The following ARHGEF11 variants were observed in gnomAD, a reference collection of about 807,000 sequenced individuals.
ARHGEF11 encodes the protein Rho guanine exchange factor (GEF) 11.
ARHGEF11 carries 55 observed loss-of-function variants against 193.7 expected under a neutral mutation model. The ratio of observed to expected loss-of-function variants is 0.28; its 90% CI spans 0.23 to 0.36. ARHGEF11 has a LOEUF of 0.36. ARHGEF11 is among the 10% of genes least tolerant of loss of function. The pLI is 1.00. For missense variants in ARHGEF11, 1,723 were observed against 2,005.6 expected (o/e 0.86, Z 2.69); for synonymous variants, 693 against 768.0 (o/e 0.90, Z 1.62).
At position 156,999,354 on chromosome 1, in the gene ARHGEF11, C is replaced by T. The variant is rs781725964; in HGVS notation, c.33-13181G>A. On this transcript the variant is annotated intron_variant, in intron 1 of 40. Coordinates refer to ENST00000368194, the MANE Select transcript of ARHGEF11 (RefSeq NM_198236.3). Reference sequence around the variant, plus strand: ...AGTGTGTCTGATACCAAAGTCCCAGCTTCCTCTCCCTGTGCCTTGGCCCTA... The same window carrying T: ...AGTGTGTCTGATACCAAAGTCCCAGTTTCCTCTCCCTGTGCCTTGGCCCTA... 3.9e-5 allele frequency among the ~76,000 whole-genome samples: 6 copies of T among 152,112 alleles called. No individual in the cohort carries two copies. The South Asian group carries it at 1.2e-3, about 32-fold the overall frequency.
chr1:157,025,252 G>C (rs1203892641), intron 1 of ARHGEF11, among the ~76,000 whole-genome samples: 1 of 152,186 alleles, frequency 6.6e-6, no homozygotes, highest in Non-Finnish European at 1.5e-5. Context: ...GCTGCTTCCA[G>C]GTTCTTAGGT....
In ARHGEF11 at chr1:157,013,261, ACT is replaced by A. The variant is rs1184498411; in HGVS notation, c.33-27090_33-27089del. Among the ~76,000 whole-genome samples, 445 of 110,388 alleles carry A rather than the reference ACT, an allele frequency of 4.0e-3. 11 individuals carry two copies. The highest frequency in any genetic ancestry group is 0.013 in the African/African-American group (384 of 29,438). 72.4% of individuals were successfully genotyped at this position (110,388 alleles called of 152,430 possible). On this transcript the variant is annotated intron_variant, in intron 1 of 40. Transcript: ENST00000368194. ...CAACTGCTCATAACTCCCCACTATC[ACT>A]CACACACACACACACACACACACAC...
intron 22 of ARHGEF11, among the ~76,000 whole-genome samples, chr1:156,950,664 A>C (rs1296013641): frequency 2.0e-5 from 3 of 151,702 alleles, no homozygotes; most frequent in Non-Finnish European, 4.4e-5. Flanking sequence ...AAAAATCCCC[A>C]AAACAAACAA....
rs149515620 is a variant in ARHGEF11, at chr1:157,000,108, G to A, written c.33-13935C>T. Among the ~76,000 whole-genome samples the A allele has an allele frequency of 7.7e-3, 1,166 of 152,192 alleles. 35 individuals carry two copies. The highest frequency in any genetic ancestry group is 0.054 in the Admixed American group (826 of 15,282). ...TCTCCTGAGCAGCTGGAATTAGAGC[G>A]TGTGTCAACATGCCAGGCTAATTTT... is the stretch of plus-strand genomic sequence containing the variant. On this transcript the variant is annotated intron_variant, in intron 1 of 40. Transcript: ENST00000368194.
chr1:156,961,978 A>T (rs1660928841), intron 13 of ARHGEF11, among the ~76,000 whole-genome samples: 1 of 152,166 alleles, frequency 6.6e-6, no homozygotes, highest in Admixed American at 6.5e-5. Context: ...CACAACAAAG[A>T]ATTCTCCAGT....
At chr1:156,978,453 G>A in intron 5 of ARHGEF11, 71 bp from the exon 6 acceptor site, 1 of 1,501,812 alleles carries the variant, frequency 6.7e-7, no homozygotes, top group Non-Finnish European at 8.9e-7. Context: ...ATACAGGAGG[G>A]GGCTGTTCTC....
In ARHGEF11 at chr1:157,014,393, TTCTC is replaced by T. The variant is rs370781187; in HGVS notation, c.33-28224_33-28221del. Among the ~76,000 whole-genome samples, 79 of 152,086 alleles carry T rather than the reference TTCTC, an allele frequency of 5.2e-4. No individual in the cohort carries two copies. In the East Asian group the frequency reaches 0.013, roughly 25 times the overall value. On this transcript the variant is annotated intron_variant, in intron 1 of 40. Transcript: ENST00000368194. ...CTCCTCAGCCCAGAAATTTATTCAA[TTCTC>T]TCTCTCTCTTTTTTTTTCTCCTCTT...
At chr1:157,029,281 T>TGTTGTTGTTGTG (rs1184577955) in intron 1 of ARHGEF11, among the ~76,000 whole-genome samples, 5 of 151,734 alleles carry the variant, frequency 3.3e-5, no homozygotes, top group African/African-American at 1.2e-4. Flanking sequence ...TTGTTGTTGT[T>TGTTGTTGTTGTG]GTTTTTGAGA....
intron 1 of ARHGEF11, among the ~76,000 whole-genome samples, chr1:157,023,057 G>A (rs756485691): frequency 6.6e-6 from 1 of 152,192 alleles, no homozygotes; most frequent in Admixed American, 6.5e-5. Flanking sequence ...GAAGAAACAT[G>A]AGAGTAAATC....
chr1:157,007,899 G>GTTTTTTTTTTTTGT (rs1668017982), intron 1 of ARHGEF11, among the ~76,000 whole-genome samples: 3 of 128,968 alleles, frequency 2.3e-5, no homozygotes, highest in East Asian at 4.6e-4. Context: ...GAAGGCAAAG[G>GTTTTTTTTTTTTGT]TTTTTTTTTT....
chr1:156,960,733 C>T (rs975053419), intron 14 of ARHGEF11, among the ~76,000 whole-genome samples: 1 of 152,152 alleles, frequency 6.6e-6, no homozygotes, highest in Non-Finnish European at 1.5e-5. Context: ...CATTAGAGCG[C>T]ATGGGATGGC....
At chr1:156,975,916 C>G (rs6680271) in intron 7 of ARHGEF11, among the ~76,000 whole-genome samples, 70,830 of 151,996 alleles carry the variant, frequency 0.47, 17,306 homozygotes, top group East Asian at 0.8. Context: ...CTATTCCATT[C>G]ATCTACAGGT....
At position 156,947,549 on chromosome 1, in the gene ARHGEF11, T is replaced by G. The variant is rs558773086; in HGVS notation, c.2342-99A>C. On this transcript the variant is annotated intron_variant, in intron 25 of 40. Transcript: ENST00000368194. ...CCTGGTTCCCACACCACTCTATTTT[T>G]GGGGGAACTGAAGTGCCAGTTTCAG... 2.3e-4 allele frequency: 324 copies of G among 1,423,852 alleles called. 1 individual carries two copies. The highest frequency in any genetic ancestry group is 2.0e-3 in the South Asian group (135 of 67,510). The allele number at this position is 1,423,852 out of a possible 1,614,324, so 88.2% of individuals were successfully genotyped here.
chr1:157,042,727 G>A (rs1352914237), intron 1 of ARHGEF11, among the ~76,000 whole-genome samples: 3 of 152,232 alleles, frequency 2.0e-5, no homozygotes, highest in Admixed American at 1.3e-4. Context: ...ACCCAGGAAG[G>A]CTCACCGCCT....
intron 1 of ARHGEF11, among the ~76,000 whole-genome samples, chr1:156,991,323 T>A (rs1665661114): frequency 6.6e-6 from 1 of 152,172 alleles, no homozygotes; most frequent in Non-Finnish European, 1.5e-5. Flanking sequence ...TTTTGTTTGT[T>A]TTGTTTAGTT....
At chr1:156,975,370 T>C (rs1045219604) in intron 7 of ARHGEF11, among the ~76,000 whole-genome samples, 2 of 152,244 alleles carry the variant, frequency 1.3e-5, no homozygotes, top group African/African-American at 4.8e-5. Flanking sequence ...AGACTGTCTA[T>C]TCAAATCCTT....
intron 1 of ARHGEF11, among the ~76,000 whole-genome samples, chr1:157,039,429 C>CTCAGATGT: frequency 6.6e-6 from 1 of 152,364 alleles, no homozygotes; most frequent in Middle Eastern, 3.4e-3. Context: ...CGTCTACTAA[C>CTCAGATGT]TCAGATGTTG....
chr1:156,947,191 C>A, intron 26 of ARHGEF11, 113 bp downstream of exon 26: 3 of 1,501,524 alleles, frequency 2.0e-6, no homozygotes, highest in Middle Eastern at 1.9e-4. Flanking sequence ...CTTTTTCTCA[C>A]CAGGGATTGG....
At chr1:156,996,728 A>G (rs1480180669) in intron 1 of ARHGEF11, among the ~76,000 whole-genome samples, 1 of 132,960 alleles carries the variant, frequency 7.5e-6, no homozygotes, top group Admixed American at 8.4e-5. Context: ...AGCCGAGATC[A>G]CGCCACTGCA....
Sources: allele counts gnomAD v4.1 joint callset (sites outside exome capture counted in the v4.1 genomes callset), GRCh38; gene constraint gnomAD v4.1.1; transcripts MANE v1.5; gene names NCBI Gene and HGNC (gene_info 2026-07-23, HGNC 2026-07-21).